Variants in CHRNB3 observed in about 807,000 individuals in gnomAD.
CHRNB3 encodes the protein cholinergic receptor nicotinic beta 3 subunit, also known as neuronal acetylcholine receptor subunit beta-3.
CHRNB3 carries 37 observed loss-of-function variants against 40.6 expected under a neutral mutation model. That is an observed-to-expected ratio of 0.91 (90% CI 0.70 to 1.20). CHRNB3 has a LOEUF of 1.20. Ranked by LOEUF, CHRNB3 falls within the 50% of genes most tolerant of loss-of-function variation. The pLI is 0.00. For synonymous variants in CHRNB3, 207 were observed against 207.1 expected (o/e 1.00, Z 0.00); for missense variants, 505 against 551.2 (o/e 0.92, Z 0.84).
At chr8:42,731,533 C>A in intron 4 of CHRNB3, 134 bp from the exon 5 acceptor site, 4 of 992,840 alleles carry the variant, frequency 4.0e-6, no homozygotes, top group East Asian at 2.7e-5. Context: ...CCAGCCCGGG[C>A]GATAGAGTGA....
chr8:42,711,303 C>A (rs894884183), intron 3 of CHRNB3, among the ~76,000 whole-genome samples: 2 of 151,852 alleles, frequency 1.3e-5, no homozygotes, highest in Non-Finnish European at 1.5e-5. Context: ...GAGCAAGAGC[C>A]TGTGTCAAAA....
chr8:42,729,194 T>A (rs1157545387), intron 3 of CHRNB3, among the ~76,000 whole-genome samples: 1 of 151,856 alleles, frequency 6.6e-6, no homozygotes, highest in Middle Eastern at 3.2e-3. Flanking sequence ...GATCATGAGG[T>A]CAGGAGATCG....
intron 2 of CHRNB3, among the ~76,000 whole-genome samples, chr8:42,709,215 T>C (rs1485766409): frequency 2.6e-5 from 4 of 152,128 alleles, no homozygotes; most frequent in African/African-American, 4.8e-5. Context: ...TGCTGTGATC[T>C]TCGATCCTCC....
chr8:42,699,714 G>A (rs1223709460), intron 1 of CHRNB3, among the ~76,000 whole-genome samples: 2 of 151,082 alleles, frequency 1.3e-5, no homozygotes, highest in African/African-American at 4.9e-5. Context: ...GCAGAAAGCC[G>A]AGATCACACC....
chr8:42,725,722 T>C, intron 3 of CHRNB3: 17 of 927,656 alleles, frequency 1.8e-5, no homozygotes, highest in Non-Finnish European at 2.8e-5. Flanking sequence ...AATCACTGTG[T>C]TGTCTGTCAG....
rs974301401 is a variant in CHRNB3 at position 42,731,577 on chromosome 8, T to C, written c.360-90T>C. On this transcript the variant is annotated intron_variant, in intron 4 of 5. Coordinates refer to ENST00000289957, the MANE Select transcript of CHRNB3 (RefSeq NM_000749.5). ...CTCAAAAAAGAAAAGAAAAGAAAAG[T>C]CATAAAACAGAAATAGTCAATGCTG... is the stretch of plus-strand genomic sequence containing the variant. 82 of 1,356,538 alleles carry C rather than the reference T, an allele frequency of 6.0e-5. No individual in the cohort carries two copies. The East Asian group carries it at 6.5e-4, about 11-fold the overall frequency. 84.0% of individuals were successfully genotyped at this position (1,356,538 alleles called of 1,614,324 possible). A position where few individuals can be genotyped will look rare whatever the true frequency, so the allele number is the denominator to read the frequency against.
intron 3 of CHRNB3, among the ~76,000 whole-genome samples, chr8:42,711,473 C>A (rs1266993976): frequency 6.6e-6 from 1 of 151,928 alleles, no homozygotes; most frequent in Non-Finnish European, 1.5e-5. Context: ...CTGCTCACTG[C>A]AACCTCTGCC....
intron 5 of CHRNB3, among the ~76,000 whole-genome samples, chr8:42,734,399 C>T (rs949272050): frequency 1.3e-5 from 2 of 151,294 alleles, no homozygotes; most frequent in Admixed American, 6.6e-5. Flanking sequence ...AGCCTGATCC[C>T]GTAAACAAAC....
At chr8:42,729,968 GC>G (rs1401832074) in intron 3 of CHRNB3, among the ~76,000 whole-genome samples, 8 of 152,142 alleles carry the variant, frequency 5.3e-5, no homozygotes, top group Non-Finnish European at 1.2e-4. Context: ...ATGTGTAAGC[GC>G]CTGGAGGCTA....
At chr8:42,723,926 A>G (rs1816261612) in intron 3 of CHRNB3, among the ~76,000 whole-genome samples, 2 of 152,088 alleles carry the variant, frequency 1.3e-5, no homozygotes. Flanking sequence ...TCTCTATTAA[A>G]AATACAAAAA....
At chr8:42,727,531 G>A (rs1586407847) in intron 3 of CHRNB3, among the ~76,000 whole-genome samples, 2 of 152,100 alleles carry the variant, frequency 1.3e-5, no homozygotes, top group East Asian at 1.9e-4. Flanking sequence ...TCCACAAAAG[G>A]TGCTGACAAT....
Position 42,697,586 on chromosome 8 carries a change from A to T in CHRNB3, c.40A>T (p.Ile14Phe). The change falls in exon 1 of 6, where the codon ATC becomes TTC. Residue 14 changes from isoleucine to phenylalanine, a missense_variant. By Grantham distance (21) the Ile-to-Phe change is conservative (BLOSUM62 0). Coordinates refer to ENST00000289957, the MANE Select transcript of CHRNB3 (RefSeq NM_000749.5). ...DFMLVLIVLG[I>F]PSSATTGFNS... is the part of the protein sequence containing the mutation. ...TATGCTGGTTCTCATCGTCCTTGGC[A>T]TCCCTTCCTCAGGTAAGCACAAGTC... 1 of 1,613,654 alleles carries T rather than the reference A, an allele frequency of 6.2e-7. No homozygotes were observed. The highest frequency in any genetic ancestry group is 1.3e-5 in the African/African-American group (1 of 75,060).
At position 42,725,914 on chromosome 8, in the gene CHRNB3, G is replaced by A. The variant is rs1244431024; in HGVS notation, c.250-4680G>A. On this transcript the variant is annotated intron_variant, in intron 3 of 5. Transcript: ENST00000289957. ...TTTCTTTGGGCAAAGTCTCGCAATG[G>A]TTCTCTGCACCAGTAAACTCACGCC... The A allele has an allele frequency of 6.9e-6, 6 of 863,398 alleles. No individual in the cohort carries two copies. In the Admixed American group the frequency reaches 8.5e-5, roughly 12 times the overall value. The allele number at this position is 863,398 out of a possible 1,614,324, so 53.5% of individuals were successfully genotyped here. A position where few individuals can be genotyped will look rare whatever the true frequency, so the allele number is the denominator to read the frequency against.
intron 4 of CHRNB3, 69 bp downstream of exon 4, chr8:42,730,772 G>A (rs1029714111): frequency 9.9e-7 from 1 of 1,010,078 alleles, no homozygotes; most frequent in African/African-American, 1.7e-5. Context: ...AAAAAGGCTG[G>A]GCGCGGTGGC....
chr8:42,699,294 A>G (rs910079479), intron 1 of CHRNB3: 5 of 152,198 alleles, frequency 3.3e-5, no homozygotes, highest in African/African-American at 1.2e-4. Context: ...ATCTGCTCTC[A>G]AAAAGCAGGA....
chr8:42,713,125 G>A (rs1425141135), intron 3 of CHRNB3, among the ~76,000 whole-genome samples: 3 of 152,090 alleles, frequency 2.0e-5, no homozygotes, highest in East Asian at 1.9e-4. Context: ...ACAGGCATGA[G>A]CCACTTTGCC....
At chr8:42,704,970 C>T (rs1016113916) in intron 1 of CHRNB3, among the ~76,000 whole-genome samples, 1 of 152,188 alleles carries the variant, frequency 6.6e-6, no homozygotes, top group Non-Finnish European at 1.5e-5. Context: ...ACCAATAGTA[C>T]AGGGCTATCA....
chr8:42,707,891 CT>C (rs1815944718), intron 1 of CHRNB3, among the ~76,000 whole-genome samples: 1 of 152,222 alleles, frequency 6.6e-6, no homozygotes, highest in South Asian at 2.1e-4. Context: ...AGGCACTGTT[CT>C]AGGTGCTGGG....
chr8:42,729,550 T>C (rs1370446813), intron 3 of CHRNB3, among the ~76,000 whole-genome samples: 2 of 152,140 alleles, frequency 1.3e-5, no homozygotes, highest in African/African-American at 2.4e-5. Flanking sequence ...ATGTTTCCTC[T>C]GGGGTGTGGA....
Sources: allele counts gnomAD v4.1 joint callset (sites outside exome capture counted in the v4.1 genomes callset), GRCh38; gene constraint gnomAD v4.1.1; transcripts MANE v1.5; gene names NCBI Gene and HGNC (gene_info 2026-07-23, HGNC 2026-07-21).